Variants in SYT14 observed in about 807,000 individuals in gnomAD.
SYT14 encodes synaptotagmin-14.
In SYT14, 32 loss-of-function variants were observed where a neutral mutation model predicts 74.2. That is an observed-to-expected ratio of 0.43 (90% CI 0.33 to 0.58). The LOEUF (loss-of-function observed/expected upper bound fraction) is 0.58. Ranked by LOEUF, SYT14 falls within the 20% of genes least tolerant of loss-of-function variation. The probability of loss-of-function intolerance (pLI) is 0.05; values close to 1 mark genes in which losing one functional copy is unlikely to be tolerated. For synonymous variants in SYT14, 298 were observed against 337.7 expected, an observed-to-expected ratio of 0.88 and a Z score of 1.29; for missense variants, 791 against 981.8, an observed-to-expected ratio of 0.81 and a Z score of 2.60.
At chr1:210,149,180 A>ATTTT (rs34134939) in intron 7 of SYT14, among the ~76,000 whole-genome samples, 12 of 108,508 alleles carry the variant, frequency 1.1e-4, no homozygotes, top group African/African-American at 3.5e-4. Flanking sequence ...TATAGCAGGA[A>ATTTT]TTTTTTTTTT....
chr1:210,058,978 A>T (rs1434367042), intron 5 of SYT14, among the ~76,000 whole-genome samples: 1 of 152,198 alleles, frequency 6.6e-6, no homozygotes, highest in Non-Finnish European at 1.5e-5. Flanking sequence ...AGTGCTTGCG[A>T]TGTAACAGGC....
At chr1:209,968,484 G>A (rs1024731538) in intron 2 of SYT14, among the ~76,000 whole-genome samples, 6 of 151,282 alleles carry the variant, frequency 4.0e-5, no homozygotes, top group Non-Finnish European at 8.8e-5. Context: ...ATATGGAGTA[G>A]TTTCATCATA....
intron 1 of SYT14, among the ~76,000 whole-genome samples, chr1:209,940,111 G>A (rs542269431): frequency 2.2e-4 from 34 of 152,286 alleles, no homozygotes; most frequent in African/African-American, 7.5e-4. Context: ...GTTTGGCAAA[G>A]AAACTGTAAT....
Position 210,022,431 on chromosome 1 carries a change from C to T in SYT14, c.1312+1177C>T, listed in dbSNP as rs548216021. Among the ~76,000 whole-genome samples, 8 of 152,284 alleles carry T rather than the reference C, an allele frequency of 5.3e-5. No individual in the cohort carries two copies. In the East Asian group the frequency reaches 1.5e-3, roughly 29 times the overall value. On this transcript the variant is annotated intron_variant, in intron 5 of 9. Coordinates refer to ENST00000637265, the Ensembl canonical transcript of SYT14. The stretch of plus-strand genomic sequence containing the variant: ...CATTTTAGTACTAGGGAAAATAAGA[C>T]ATGTGCTTACTAAGTTAATTAAATA...
chr1:209,997,539 G>A (rs138057978), intron 2 of SYT14, among the ~76,000 whole-genome samples: 35 of 152,130 alleles, frequency 2.3e-4, no homozygotes, highest in African/African-American at 8.4e-4. Context: ...TGGCCACACT[G>A]CCCAGTGCAA....
chr1:209,976,621 C>G (rs574092450), intron 2 of SYT14, among the ~76,000 whole-genome samples: 84 of 151,924 alleles, frequency 5.5e-4, no homozygotes, highest in Admixed American at 2.8e-3. Flanking sequence ...CCTTTACTTC[C>G]AACTATGTGG....
chr1:210,031,089 C>CTT (rs35900057), intron 5 of SYT14, among the ~76,000 whole-genome samples: 1,563 of 104,250 alleles, frequency 0.015, 54 homozygotes, highest in African/African-American at 0.044. Context: ...CCATGCCTGT[C>CTT]TTTTTTTTTT....
chr1:209,939,193 C>A (rs146764919), intron 1 of SYT14, among the ~76,000 whole-genome samples: 1 of 152,188 alleles, frequency 6.6e-6, no homozygotes, highest in African/African-American at 2.4e-5. Context: ...TGAAAGATTA[C>A]ATCTTCCAGG....
chr1:210,152,699 A>G (rs1255904130), intron 7 of SYT14, among the ~76,000 whole-genome samples: 4 of 152,176 alleles, frequency 2.6e-5, no homozygotes, highest in Non-Finnish European at 2.9e-5. Flanking sequence ...AGAAACTCCC[A>G]TCCTGCCCTT....
chr1:209,938,743 G>A (rs913663931), intron 1 of SYT14, among the ~76,000 whole-genome samples: 1 of 152,040 alleles, frequency 6.6e-6, no homozygotes, highest in African/African-American at 2.4e-5. Flanking sequence ...TGAGAGTCCA[G>A]TTTTTTGTCC....
intron 2 of SYT14, among the ~76,000 whole-genome samples, chr1:209,958,698 A>G (rs995298447): frequency 2.6e-5 from 4 of 152,206 alleles, no homozygotes; most frequent in African/African-American, 4.8e-5. Context: ...ATATGTAGCT[A>G]TGTTGCTAAA....
intron 2 of SYT14, among the ~76,000 whole-genome samples, chr1:209,981,450 C>CTTTTCTT (rs1371990259): frequency 4.0e-5 from 4 of 99,052 alleles, no homozygotes; most frequent in Non-Finnish European, 7.6e-5. Flanking sequence ...TTTTTCTTTT[C>CTTTTCTT]TTTTTTTTTT....
chr1:210,071,013 G>A (rs1331886406), intron 5 of SYT14, among the ~76,000 whole-genome samples: 1 of 145,930 alleles, frequency 6.9e-6, no homozygotes, highest in Non-Finnish European at 1.5e-5. Context: ...AAAAACTTCA[G>A]ACATGTATTG....
At position 210,080,903 on chromosome 1, in the gene SYT14, G is replaced by A. The variant is rs545858781; in HGVS notation, c.1313-13419G>A. ...TGACAAATGCAACTGGGAAGGATAG[G>A]AGAGAGTGAATCTTTGAAATTCTTC... On this transcript the variant is annotated intron_variant, in intron 5 of 9. Coordinates refer to ENST00000637265, the Ensembl canonical transcript of SYT14. Among the ~76,000 whole-genome samples the A allele has an allele frequency of 5.3e-5, 8 of 152,146 alleles. No homozygotes were observed. In the East Asian group the frequency reaches 1.6e-3, roughly 30 times the overall value.
chr1:210,081,428 T>A (rs1472100104), intron 5 of SYT14, among the ~76,000 whole-genome samples: 1 of 152,232 alleles, frequency 6.6e-6, no homozygotes, highest in Non-Finnish European at 1.5e-5. Flanking sequence ...TAACACGATA[T>A]TTTTGGTTTC....
chr1:210,066,249 G>A (rs566649346), intron 5 of SYT14, among the ~76,000 whole-genome samples: 14 of 152,000 alleles, frequency 9.2e-5, no homozygotes, highest in Non-Finnish European at 4.4e-5. Context: ...CCCAGTAATG[G>A]GATGGCTGGG....
intron 7 of SYT14, among the ~76,000 whole-genome samples, chr1:210,124,278 A>G (rs1345250575): frequency 6.6e-6 from 1 of 152,150 alleles, no homozygotes; most frequent in Non-Finnish European, 1.5e-5. Flanking sequence ...TCCAGGAAAT[A>G]TAAAAGGAAA....
chr1:209,978,704 C>T (rs907895582), intron 2 of SYT14, among the ~76,000 whole-genome samples: 26 of 152,328 alleles, frequency 1.7e-4, no homozygotes, highest in Non-Finnish European at 3.5e-4. Flanking sequence ...CAGCTGCGTG[C>T]TGGGAGAACC....
chr1:210,110,593 A>T lies in SYT14; in HGVS notation c.2034+10132A>T, dbSNP rs142594108. Among the ~76,000 whole-genome samples, 13 of 152,314 alleles carry T rather than the reference A, an allele frequency of 8.5e-5. No individual in the cohort carries two copies. In the East Asian group the frequency reaches 2.3e-3, roughly 27 times the overall value. On this transcript the variant is annotated intron_variant, in intron 7 of 9. Coordinates refer to ENST00000637265, the Ensembl canonical transcript of SYT14. ...GTTGGGAGTCCAAAGCAAAGATTAA[A>T]GTTCTAGAAGAGTTTATCGTAGATC... is the stretch of plus-strand genomic sequence containing the variant.
Sources: allele counts gnomAD v4.1 joint callset (sites outside exome capture counted in the v4.1 genomes callset), GRCh38; gene constraint gnomAD v4.1.1; transcripts MANE v1.5; gene names NCBI Gene and HGNC (gene_info 2026-07-23, HGNC 2026-07-21).